Variants in MYBL2 observed in about 807,000 individuals in gnomAD.
MYBL2 encodes the protein myb-related protein B.
A neutral mutation model predicts 79.9 loss-of-function variants in MYBL2; 28 were observed. That is an observed-to-expected ratio of 0.35 (90% CI 0.26 to 0.48). The LOEUF (loss-of-function observed/expected upper bound fraction) is 0.48, where lower values mean the gene tolerates loss of function less well. MYBL2 is among the 20% of genes least tolerant of loss of function. The pLI is 0.99. For missense variants in MYBL2, 735 were observed against 893.9 expected (o/e 0.82, Z 2.27); for synonymous variants, 378 against 361.2 (o/e 1.05, Z -0.53).
At chr20:43,715,732 C>T (rs920272112) in intron 13 of MYBL2, among the ~76,000 whole-genome samples, 6 of 152,178 alleles carry the variant, frequency 3.9e-5, no homozygotes, top group Non-Finnish European at 8.8e-5. Flanking sequence ...ACGGGGCGGG[C>T]AGTGCATGGC....
intron 13 of MYBL2, 106 bp downstream of exon 13, chr20:43,715,389 C>T (rs1391031411): frequency 5.2e-5 from 81 of 1,545,862 alleles, no homozygotes; most frequent in Non-Finnish European, 4.9e-5. Context: ...CTTCTTAGCT[C>T]AGGGCCTTTG....
chr20:43,711,185 C>A lies in MYBL2; in HGVS notation c.1606-303C>A, dbSNP rs139406351. ...TGTGACTGTGTGCCAGGCTGTTGAT[C>A]TCTGAGCTTCTGTTTCTACCTGCTT... On this transcript the variant is annotated intron_variant, in intron 10 of 13. Coordinates refer to ENST00000217026, the MANE Select transcript of MYBL2 (RefSeq NM_002466.4). 2.7e-3 allele frequency among the ~76,000 whole-genome samples: 415 copies of A among 152,268 alleles called. 1 individual carries two copies. The highest frequency in any genetic ancestry group is 9.5e-3 in the African/African-American group (396 of 41,550).
intron 5 of MYBL2, 67 bp downstream of exon 5, chr20:43,687,139 G>T (rs1987296638): frequency 2.0e-6 from 3 of 1,508,180 alleles, no homozygotes; most frequent in Non-Finnish European, 2.7e-6. Context: ...TGATGGAGGA[G>T]GGTTCCTGGG....
At chr20:43,691,543 A>ATT (rs3092517) in intron 5 of MYBL2, among the ~76,000 whole-genome samples, 6,257 of 141,594 alleles carry the variant, frequency 0.044, 173 homozygotes, top group East Asian at 0.081. Context: ...TTATATATAC[A>ATT]TTTTTTTTTT....
Position 43,702,908 on chromosome 20 carries a change from G to A in MYBL2, c.1365+5G>A, listed in dbSNP as rs1006003017. On this transcript the variant is annotated splice_donor_5th_base_variant and intron_variant, in intron 8 of 13. Transcript: ENST00000217026. ...CTGCCCTTCTCGCCCTCCCAGGTGC[G>A]TGGACCCCACTCTGGCTGCTTATTG... The A allele has an allele frequency of 5.7e-6, 9 of 1,580,796 alleles. No individual in the cohort carries two copies. Among genetic ancestry groups the A allele is most frequent in the South Asian group, 2.3e-5 (2 of 87,204 alleles).
At position 43,682,859 on chromosome 20, in the gene MYBL2, G is replaced by C. The variant is rs200291714; in HGVS notation, c.252G>C (p.Gly84=). The C allele has an allele frequency of 9.3e-6, 15 of 1,614,018 alleles. No individual in the cohort carries two copies. The highest frequency in any genetic ancestry group is 1.1e-5 in the Non-Finnish European group (13 of 1,179,920). ...LRVLNPDLVK[G]PWTKEEDQKV... is the part of the protein sequence containing the mutation. ...TTTTGAATCCAGACCTTGTCAAGGG[G>C]CCATGGACCAAAGAGGAAGACCAAA... The change falls in exon 4 of 14, where the codon GGG becomes GGC. Residue 84 remains glycine, a synonymous_variant. Coordinates refer to ENST00000217026, the MANE Select transcript of MYBL2 (RefSeq NM_002466.4).
intron 9 of MYBL2, among the ~76,000 whole-genome samples, chr20:43,707,138 T>C (rs1987807801): frequency 6.6e-6 from 1 of 150,828 alleles, no homozygotes; most frequent in African/African-American, 2.4e-5. Context: ...TATGATTGGC[T>C]ACTGCACTCC....
chr20:43,711,738 G>A (rs748509659), intron 11 of MYBL2, 137 bp downstream of exon 11: 21 of 711,542 alleles, frequency 3.0e-5, no homozygotes, highest in Non-Finnish European at 4.7e-5. Flanking sequence ...GCCCCCTTTC[G>A]CACGGTGGTT....
Position 43,686,894 on chromosome 20 carries a change from C to G in MYBL2, c.322C>G (p.Leu108Val), listed in dbSNP as rs145716828. 10 of 1,614,086 alleles carry G rather than the reference C, an allele frequency of 6.2e-6. No homozygotes were observed. The East Asian group carries it at 8.9e-5, about 14-fold the overall frequency. ...VKKYGTKQWT[L>V]IAKHLKGRLG... is the part of the protein sequence containing the mutation. ...GAAGTATGGCACAAAGCAGTGGACA[C>G]TGATTGCCAAGCACCTGAAGGGCCG... Residue 108 changes from leucine (L) to valine (V), a missense_variant, in exon 5 of 14, where the codon CTG becomes GTG. Physicochemically the swap from Leu to Val is conservative, Grantham distance 32 (BLOSUM62 1). Transcript: ENST00000217026.
At chr20:43,688,567 C>T (rs1987333562) in intron 5 of MYBL2, among the ~76,000 whole-genome samples, 1 of 152,088 alleles carries the variant, frequency 6.6e-6, no homozygotes, top group South Asian at 2.1e-4. Context: ...ATTGCAGCTT[C>T]ACCCTCCTGA....
At chr20:43,698,046 A>G (rs991259141) in intron 6 of MYBL2, among the ~76,000 whole-genome samples, 1 of 123,410 alleles carries the variant, frequency 8.1e-6, no homozygotes, top group Non-Finnish European at 1.7e-5. Flanking sequence ...TTAATTTGTT[A>G]TTTGGCTTGG....
chr20:43,677,878 G>A (rs1453859602), intron 2 of MYBL2, among the ~76,000 whole-genome samples: 1 of 152,226 alleles, frequency 6.6e-6, no homozygotes, highest in Non-Finnish European at 1.5e-5. Context: ...GAAAGGTGGG[G>A]AAAAGATTGA....
intron 12 of MYBL2, among the ~76,000 whole-genome samples, chr20:43,714,190 A>G (rs1987976228): frequency 6.6e-6 from 1 of 152,110 alleles, no homozygotes; most frequent in South Asian, 2.1e-4. Flanking sequence ...TTAAAAGCCT[A>G]TAAAAGGGGT....
Position 43,699,797 on chromosome 20 carries a change from T to G in MYBL2, c.704T>G (p.Ile235Arg), listed in dbSNP as rs1987638583. 3 of 1,613,850 alleles carry G rather than the reference T, an allele frequency of 1.9e-6. No individual in the cohort carries two copies. Among genetic ancestry groups the G allele is most frequent in the Non-Finnish European group, 2.5e-6 (3 of 1,179,998 alleles). Residue 235 changes from isoleucine to arginine, a missense_variant, in exon 7 of 14, where the codon ATA (isoleucine) becomes AGA (arginine). By Grantham distance (97) the Ile-to-Arg change is moderately conservative. Coordinates refer to ENST00000217026, the MANE Select transcript of MYBL2 (RefSeq NM_002466.4). Reference sequence around the variant, plus strand: ...AACTGGCCCTCCGTCCCTCCTACCATAAAGGAGGAGGAAAACAGTGAGGAG... The same window carrying G: ...AACTGGCCCTCCGTCCCTCCTACCAGAAAGGAGGAGGAAAACAGTGAGGAG... ...LTNWPSVPPT[I>R]KEEENSEEEL...
rs986615287 is a variant in MYBL2, at chr20:43,699,650, G to A, written c.664-107G>A. The A allele has an allele frequency of 4.2e-6, 5 of 1,196,226 alleles. No homozygotes were observed. The South Asian group carries it at 7.7e-5, about 18-fold the overall frequency. 74.1% of individuals were successfully genotyped at this position (1,196,226 alleles called of 1,614,324 possible). On this transcript the variant is annotated intron_variant, in intron 6 of 13. Transcript: ENST00000217026. ...TTCTGTAGAATGTTTCTCTATTTGGGTTCATCACAGTTTCCTTCTTAGATT... is the reference window on the plus strand; with the variant it reads ...TTCTGTAGAATGTTTCTCTATTTGGATTCATCACAGTTTCCTTCTTAGATT...
Position 43,667,197 on chromosome 20 carries a change from G to T in MYBL2, c.-87G>T. ...CGCGGCCCGGGGCCCGGAGCGGCCG[G>T]AGCAGCCCGGGTCCTGACCCCGGCC... On this transcript the variant is annotated 5_prime_UTR_variant, in exon 1 of 14. Coordinates refer to ENST00000217026, the MANE Select transcript of MYBL2 (RefSeq NM_002466.4). The T allele has an allele frequency of 1.0e-6, 1 of 993,220 alleles. No individual in the cohort carries two copies. The highest frequency in any genetic ancestry group is 4.9e-5 in the South Asian group (1 of 20,278). 61.5% of individuals were successfully genotyped at this position (993,220 alleles called of 1,614,324 possible). A position where few individuals can be genotyped will look rare whatever the true frequency, so the allele number is the denominator to read the frequency against.
Position 43,716,328 on chromosome 20 carries a change from C to A in MYBL2, c.*241C>A. On this transcript the variant is annotated 3_prime_UTR_variant, in exon 14 of 14. Coordinates refer to ENST00000217026, the MANE Select transcript of MYBL2 (RefSeq NM_002466.4). ...TTCCAGGTCTGCCTGGTTCCCTCCC[C>A]AAGGCCACAGGGAGCTCCGTCAGCT... The A allele has an allele frequency of 1.8e-6, 1 of 556,536 alleles. No individual in the cohort carries two copies. Among genetic ancestry groups the A allele is most frequent in the Non-Finnish European group, 3.0e-6 (1 of 328,386 alleles). The allele number at this position is 556,536 out of a possible 1,614,324, so 34.5% of individuals were successfully genotyped here.
rs760126727 is a variant in MYBL2, at chr20:43,682,808, G to A, written c.201G>A (p.Gln67=). 1.9e-6 allele frequency: 3 copies of A among 1,614,014 alleles called. No homozygotes were observed. The highest frequency in any genetic ancestry group is 2.2e-5 in the South Asian group (2 of 91,088). ...LASHFPNRTD[Q]QCQYRWLRVL... ...TCTTTTCCCAGAACCGCACTGACCA[G>A]CAATGCCAGTACAGGTGGCTGAGAG... The change falls in exon 4 of 14, where the codon CAG becomes CAA. Residue 67 remains glutamine (Q), a synonymous_variant. Transcript: ENST00000217026.
chr20:43,703,969 T>C (rs1987726206), intron 8 of MYBL2, among the ~76,000 whole-genome samples: 1 of 152,122 alleles, frequency 6.6e-6, no homozygotes. Flanking sequence ...TATTTTATAA[T>C]GTTATAAGGA....
Sources: allele counts gnomAD v4.1 joint callset (sites outside exome capture counted in the v4.1 genomes callset), GRCh38; gene constraint gnomAD v4.1.1; transcripts MANE v1.5; gene names NCBI Gene and HGNC (gene_info 2026-07-23, HGNC 2026-07-21).